NF1: variants seen among roughly 807,000 people sequenced by gnomAD.
NF1 encodes the protein neurofibromin.
Under a neutral mutation model 325.7 loss-of-function variants are expected in NF1, and 122 were observed. The observed-to-expected ratio is 0.37, with a 90% confidence interval of 0.32 to 0.44. The LOEUF (loss-of-function observed/expected upper bound fraction) is 0.44. NF1 is among the 20% of genes least tolerant of loss of function. The probability of loss-of-function intolerance (pLI) is 1.00; values close to 1 mark genes in which losing one functional copy is unlikely to be tolerated. For synonymous variants in NF1, 1,091 were observed against 1,186.0 expected (o/e 0.92, Z 1.65); for missense variants, 2,140 against 3,415.4 (o/e 0.63, Z 9.31).
chr17:31,131,192 C>G (rs1158332725), intron 1 of NF1, among the ~76,000 whole-genome samples: 1 of 152,200 alleles, frequency 6.6e-6, no homozygotes, highest in African/African-American at 2.4e-5. Context: ...TACAGATGCT[C>G]CAGCACCAAA....
In NF1 at chr17:31,327,777, T is replaced by C. The variant is rs1555533634; in HGVS notation, c.5547T>C (p.Asp1849=). The C allele has an allele frequency of 6.2e-7, 1 of 1,614,012 alleles. No homozygotes were observed. Among genetic ancestry groups the C allele is most frequent in the African/African-American group, 1.3e-5 (1 of 74,918 alleles). Residue 1849 remains aspartate (D), a synonymous_variant, in exon 38 of 58, where the codon GAT becomes GAC. Transcript: ENST00000358273. ...IPQHTKIRPK[D]VPGTLLNIAL... is the part of the protein sequence containing the mutation. ...AACACACCAAGATTCGGCCAAAAGA[T>C]GTCCCTGGGACACTGCTCAATATCG...
chr17:31,252,239 A>G (rs1249626818), intron 30 of NF1: 3 of 210,684 alleles, frequency 1.4e-5, no homozygotes, highest in African/African-American at 2.3e-5. Context: ...CACTTTAATA[A>G]TATTAATGCT....
intron 31 of NF1, among the ~76,000 whole-genome samples, chr17:31,255,043 A>G (rs1392354464): frequency 6.6e-6 from 1 of 152,232 alleles, no homozygotes; most frequent in Admixed American, 6.5e-5. Context: ...TCTGGCTTCT[A>G]GTATATAGCT....
intron 36 of NF1, among the ~76,000 whole-genome samples, chr17:31,317,368 AACACACACACAC>A (rs3138611): frequency 2.1e-5 from 3 of 144,562 alleles, no homozygotes. Flanking sequence ...TCCAGATTTG[AACACACACACAC>A]ACACACACAC....
rs1225501462 is a variant in NF1 at position 31,261,722 on chromosome 17, C to T, written c.4589C>T (p.Ala1530Val). ...TTTGCTGTATCTAGGGATCATAAAG[C>T]TGTTGGAAGACGACCTTTTGATAAG... ...QYLSSNRDHK[A>V]VGRRPFDKMA... Residue 1530 changes from alanine (A) to valine (V), a missense_variant, in exon 35 of 58, where the codon GCT becomes GTT. By Grantham distance (64) the Ala-to-Val change is moderately conservative. Transcript: ENST00000358273. 6.2e-7 allele frequency: 1 copy of T among 1,612,038 alleles called. No individual in the cohort carries two copies. Among genetic ancestry groups the T allele is most frequent in the Non-Finnish European group, 8.5e-7 (1 of 1,179,924 alleles).
At position 31,255,333 on chromosome 17, in the gene NF1, A is replaced by G. The variant is rs574684639; in HGVS notation, c.4173+2333A>G. On this transcript the variant is annotated intron_variant, in intron 31 of 57. Coordinates refer to ENST00000358273, the MANE Select transcript of NF1 (RefSeq NM_001042492.3). ...TTTATGCAGAATGTCTTTTGGATCCAAATTAGATTTTTATGGATTAAAAAA... is the reference window on the plus strand; with the variant it reads ...TTTATGCAGAATGTCTTTTGGATCCGAATTAGATTTTTATGGATTAAAAAA... Among the ~76,000 whole-genome samples the G allele has an allele frequency of 7.2e-5, 11 of 152,276 alleles. No individual in the cohort carries two copies. The South Asian group carries it at 2.3e-3, about 32-fold the overall frequency.
intron 1 of NF1, among the ~76,000 whole-genome samples, chr17:31,112,536 CATG>C (rs1215781551): frequency 6.6e-6 from 1 of 152,110 alleles, no homozygotes; most frequent in Non-Finnish European, 1.5e-5. Context: ...CCTAATGACT[CATG>C]ATATTGAGCA....
chr17:31,295,675 C>T lies in NF1; in HGVS notation c.4836-30145C>T, dbSNP rs142418257. ...ACCACCTGTTATTGTAAAGGGTTAT[C>T]TCTTGCAACTGAAAGAGTTGGTCAA... On this transcript the variant is annotated intron_variant, in intron 36 of 57. Coordinates refer to ENST00000358273, the MANE Select transcript of NF1 (RefSeq NM_001042492.3). 3.7e-6 allele frequency: 6 copies of T among 1,614,000 alleles called. No homozygotes were observed. In the African/African-American group the frequency reaches 8.0e-5, roughly 22 times the overall value.
chr17:31,218,591 A>C (rs1430798695), intron 13 of NF1, among the ~76,000 whole-genome samples: 1 of 148,904 alleles, frequency 6.7e-6, no homozygotes, highest in African/African-American at 2.5e-5. Context: ...TCTTTTTTCC[A>C]GATGGAGTCT....
In NF1 at chr17:31,357,456, G is replaced by A. The variant is rs2070302334; in HGVS notation, c.7970+87G>A. The A allele has an allele frequency of 2.9e-6, 3 of 1,025,774 alleles. No individual in the cohort carries two copies. The South Asian group carries it at 3.9e-5, about 13-fold the overall frequency. The allele number at this position is 1,025,774 out of a possible 1,614,324, so 63.5% of individuals were successfully genotyped here. A position where few individuals can be genotyped will look rare whatever the true frequency, so the allele number is the denominator to read the frequency against. On this transcript the variant is annotated intron_variant, in intron 54 of 57. Transcript: ENST00000358273. ...CAGTAATGTGCACTGGTTGCAAAGA[G>A]GGCAAAATGAGATATTGTGATAGTG...
intron 30 of NF1, chr17:31,252,120 C>CT (rs1193012915): frequency 0.4 from 56,761 of 141,838 alleles, 11,462 homozygotes; most frequent in African/African-American, 0.62. Flanking sequence ...TTTTAGGTGG[C>CT]TTTTTTTTTT....
At chr17:31,177,555 T>C (rs1227553612) in intron 5 of NF1, among the ~76,000 whole-genome samples, 1 of 151,650 alleles carries the variant, frequency 6.6e-6, no homozygotes, top group African/African-American at 2.4e-5. Context: ...AGAAGATGGG[T>C]AATAACAAAC....
chr17:31,349,471 T>G (rs575113950), intron 49 of NF1, among the ~76,000 whole-genome samples: 2 of 152,162 alleles, frequency 1.3e-5, no homozygotes, highest in Non-Finnish European at 2.9e-5. Context: ...GTTCCCTTGG[T>G]CATCTTTGGT....
intron 12 of NF1, among the ~76,000 whole-genome samples, chr17:31,208,466 T>TA (rs2066662917): frequency 6.6e-6 from 1 of 152,146 alleles, no homozygotes; most frequent in African/African-American, 2.4e-5. Flanking sequence ...AGTATGGAAG[T>TA]ATTGACCTTC....
intron 36 of NF1, among the ~76,000 whole-genome samples, chr17:31,323,656 C>T (rs1186217011): frequency 2.0e-5 from 3 of 152,192 alleles, no homozygotes; most frequent in African/African-American, 7.2e-5. Context: ...CTACCTGAAT[C>T]CTCCATTCTG....
chr17:31,234,788 A>T (rs905652883), intron 27 of NF1, among the ~76,000 whole-genome samples: 2 of 151,816 alleles, frequency 1.3e-5, no homozygotes, highest in African/African-American at 4.8e-5. Context: ...CTCACCTACC[A>T]CATTATTGTA....
At chr17:31,344,833 G>A (rs1358712288) in intron 48 of NF1, among the ~76,000 whole-genome samples, 1 of 152,224 alleles carries the variant, frequency 6.6e-6, no homozygotes, top group African/African-American at 2.4e-5. Flanking sequence ...AACACTTTGG[G>A]AGGCTGAGGC....
At chr17:31,335,262 T>TA in intron 40 of NF1, among the ~76,000 whole-genome samples, 1 of 2,906 alleles carries the variant, frequency 3.4e-4, no homozygotes, top group African/African-American at 4.6e-4. Flanking sequence ...CACAGTCTCC[T>TA]TCAAGGCATA....
rs1402198290 is a variant in NF1, at chr17:31,325,932, C to T, written c.4948C>T (p.Pro1650Ser). ...EIVVDLTHTGPSNRFKTDFLS... is the reference protein window; with the variant it reads ...EIVVDLTHTGSSNRFKTDFLS... ...TGTAGTGGACCTTACCCATACCGGG[C>T]CTAGCAATCGCTTTAAAACAGACTT... The change falls in exon 37 of 58, where the codon CCT (proline) becomes TCT (serine). Residue 1650 changes from proline (P) to serine (S), a missense_variant. Physicochemically the swap from Pro to Ser is moderately conservative, Grantham distance 74 (BLOSUM62 -1). This residue lies in a region of NF1 where 103 missense variants were observed against 214.6 expected (regional missense o/e 0.48). Coordinates refer to ENST00000358273, the MANE Select transcript of NF1 (RefSeq NM_001042492.3). 2 of 1,614,186 alleles carry T rather than the reference C, an allele frequency of 1.2e-6. No homozygotes were observed. Among genetic ancestry groups the T allele is most frequent in the South Asian group, 1.1e-5 (1 of 91,076 alleles).
Sources: gnomAD v4.1 joint callset for allele counts (sites outside exome capture counted in the v4.1 genomes callset) on GRCh38, gnomAD v4.1.1 for gene constraint, gnomAD v4.1.1 regional missense constraint, MANE v1.5 for transcripts, NCBI Gene and HGNC (gene_info 2026-07-23, HGNC 2026-07-21) for gene names.